Variants in UBE2E2 observed in about 807,000 individuals in gnomAD.
UBE2E2 encodes the protein ubiquitin conjugating enzyme E2 E2.
Under a neutral mutation model 24.7 loss-of-function variants are expected in UBE2E2, and 6 were observed. The observed-to-expected ratio is 0.24, with a 90% CI of 0.13 to 0.48. The LOEUF (loss-of-function observed/expected upper bound fraction) is 0.48. Ranked by LOEUF, UBE2E2 falls within the 20% of genes least tolerant of loss-of-function variation. The pLI, the probability that UBE2E2 is intolerant of heterozygous loss-of-function variation, is 0.99. For synonymous variants in UBE2E2, 104 were observed against 83.6 expected, an observed-to-expected ratio of 1.24 and a Z score of -1.33; for missense variants, 169 against 245.0, an observed-to-expected ratio of 0.69 and a Z score of 2.07.
intron 3 of UBE2E2, among the ~76,000 whole-genome samples, chr3:23,490,205 A>G (rs1434779858): frequency 1.3e-5 from 2 of 152,218 alleles, no homozygotes; most frequent in Non-Finnish European, 2.9e-5. Flanking sequence ...CAAAGTCTTT[A>G]TAATCATAAC....
intron 3 of UBE2E2, among the ~76,000 whole-genome samples, chr3:23,484,680 A>G (rs1243420803): frequency 2.6e-5 from 4 of 152,336 alleles, no homozygotes; most frequent in Admixed American, 2.0e-4. Flanking sequence ...GAAAAGAGGT[A>G]TAATGAACTC....
chr3:23,225,680 A>G lies in UBE2E2; in HGVS notation c.227+8368A>G, dbSNP rs140357314. On this transcript the variant is annotated intron_variant, in intron 3 of 5. Transcript: ENST00000396703. ...ATGTCTGTTCTTATGTCAGTAACAT[A>G]CTGTCTTTATTACTATAGTTTTACT... is the stretch of plus-strand genomic sequence containing the variant. Among the ~76,000 whole-genome samples, 49 of 152,310 alleles carry G rather than the reference A, an allele frequency of 3.2e-4. No homozygotes were observed. The South Asian group carries it at 8.3e-3, about 26-fold the overall frequency.
chr3:23,279,525 G>C (rs1698441311), intron 3 of UBE2E2, among the ~76,000 whole-genome samples: 1 of 151,974 alleles, frequency 6.6e-6, no homozygotes, highest in Admixed American at 6.5e-5. Context: ...CTTTGGGGTG[G>C]GGTTTTAACA....
chr3:23,475,775 G>A (rs1575654585), intron 3 of UBE2E2, among the ~76,000 whole-genome samples: 2 of 151,998 alleles, frequency 1.3e-5, no homozygotes, highest in Admixed American at 1.3e-4. Context: ...AGGGTTTACA[G>A]GCTCTATAGA....
intron 3 of UBE2E2, among the ~76,000 whole-genome samples, chr3:23,338,991 A>G (rs1260711278): frequency 6.6e-6 from 1 of 152,200 alleles, no homozygotes. Context: ...AAAGATATTT[A>G]CTATAATTAT....
chr3:23,465,954 C>A (rs1698911216), intron 3 of UBE2E2, among the ~76,000 whole-genome samples: 1 of 152,034 alleles, frequency 6.6e-6, no homozygotes, highest in African/African-American at 2.4e-5. Flanking sequence ...GGTACACATT[C>A]TTTAGAGTTG....
At chr3:23,520,884 C>T (rs545339380) in intron 4 of UBE2E2, among the ~76,000 whole-genome samples, 1 of 152,254 alleles carries the variant, frequency 6.6e-6, no homozygotes, top group Admixed American at 6.5e-5. Flanking sequence ...CTCAAGTGAT[C>T]CCTGCTCCTC....
intron 3 of UBE2E2, among the ~76,000 whole-genome samples, chr3:23,422,851 GGTAAGAT>G (rs1197641685): frequency 6.6e-6 from 1 of 152,046 alleles, no homozygotes; most frequent in Non-Finnish European, 1.5e-5. Flanking sequence ...GAAGGGTCTA[GGTAAGAT>G]GACATTTCAA....
chr3:23,313,679 A>C (rs1694480669), intron 3 of UBE2E2, among the ~76,000 whole-genome samples: 2 of 151,862 alleles, frequency 1.3e-5, no homozygotes, highest in African/African-American at 4.8e-5. Flanking sequence ...CCCGGTGCCC[A>C]GCCTGTCTTG....
At chr3:23,329,216 C>G (rs1694995454) in intron 3 of UBE2E2, among the ~76,000 whole-genome samples, 1 of 152,128 alleles carries the variant, frequency 6.6e-6, no homozygotes, top group Admixed American at 6.5e-5. Flanking sequence ...TTTGAAAAGG[C>G]AAACCAAATA....
chr3:23,206,565 G>T (rs1239843051), intron 1 of UBE2E2, among the ~76,000 whole-genome samples: 5 of 152,094 alleles, frequency 3.3e-5, no homozygotes, highest in African/African-American at 7.2e-5. Context: ...GTTTGGCATG[G>T]GGAGCTGTTG....
intron 3 of UBE2E2, among the ~76,000 whole-genome samples, chr3:23,403,528 G>A (rs957755135): frequency 6.6e-6 from 1 of 152,120 alleles, no homozygotes; most frequent in African/African-American, 2.4e-5. Flanking sequence ...TGCATTAAAT[G>A]TCATTGTAGG....
intron 4 of UBE2E2, among the ~76,000 whole-genome samples, chr3:23,512,324 T>C (rs1326006575): frequency 6.6e-6 from 1 of 151,904 alleles, no homozygotes; most frequent in Non-Finnish European, 1.5e-5. Flanking sequence ...CTCAAGTGAT[T>C]CTCCCACCTC....
At chr3:23,225,157 T>C (rs1211793517) in intron 3 of UBE2E2, among the ~76,000 whole-genome samples, 1 of 151,942 alleles carries the variant, frequency 6.6e-6, no homozygotes, top group East Asian at 1.9e-4. Flanking sequence ...ATTGTTGAAT[T>C]GTAAGAGTTT....
intron 4 of UBE2E2, among the ~76,000 whole-genome samples, chr3:23,520,528 A>G (rs1191075143): frequency 3.9e-5 from 6 of 152,218 alleles, no homozygotes; most frequent in African/African-American, 1.4e-4. Flanking sequence ...GCTACTTTCA[A>G]AGAATGTCTC....
At chr3:23,391,623 C>T (rs1696937075) in intron 3 of UBE2E2, among the ~76,000 whole-genome samples, 1 of 152,102 alleles carries the variant, frequency 6.6e-6, no homozygotes, top group Non-Finnish European at 1.5e-5. Flanking sequence ...GTATTTCTTG[C>T]CATCTGATTT....
chr3:23,264,794 CAAG>C (rs1698000561), intron 3 of UBE2E2, among the ~76,000 whole-genome samples: 1 of 152,092 alleles, frequency 6.6e-6, no homozygotes, highest in Admixed American at 6.5e-5. Flanking sequence ...AAATTGAAAA[CAAG>C]AAACATTGTA....
intron 3 of UBE2E2, among the ~76,000 whole-genome samples, chr3:23,337,324 C>A (rs949187008): frequency 1.3e-5 from 2 of 152,012 alleles, no homozygotes; most frequent in African/African-American, 4.8e-5. Context: ...TCGATAATAT[C>A]TTTTGGTTCA....
At chr3:23,400,313 A>G (rs1697187361) in intron 3 of UBE2E2, among the ~76,000 whole-genome samples, 2 of 152,300 alleles carry the variant, frequency 1.3e-5, no homozygotes, top group South Asian at 2.1e-4. Flanking sequence ...GAAAACGGAT[A>G]AAAAGGAATG....
Sources: gnomAD v4.1 joint callset for allele counts (sites outside exome capture counted in the v4.1 genomes callset) on GRCh38, gnomAD v4.1.1 for gene constraint, MANE v1.5 for transcripts, NCBI Gene and HGNC (gene_info 2026-07-23, HGNC 2026-07-21) for gene names.